The following B4GALNT1 variants were observed in gnomAD, a reference collection of about 807,000 sequenced individuals.
The protein encoded by B4GALNT1 is beta-1,4-N-acetyl-galactosaminyltransferase 1.
In B4GALNT1, 43 loss-of-function variants were observed where a neutral mutation model predicts 55.2. The observed-to-expected ratio is 0.78, with a 90% CI of 0.61 to 1.00. B4GALNT1 has a LOEUF of 1.00. Among genes scored for constraint, B4GALNT1 ranks in the 50% least tolerant of loss-of-function variants. The pLI is 0.00. For missense variants in B4GALNT1, 664 were observed against 729.7 expected (o/e 0.91, Z 1.04); for synonymous variants, 305 against 311.6 (o/e 0.98, Z 0.22).
chr12:57,630,385 C>G (rs1486629021), intron 5 of B4GALNT1, 53 bp from the exon 6 acceptor site: 1 of 1,597,972 alleles, frequency 6.3e-7, no homozygotes, highest in African/African-American at 1.3e-5. Flanking sequence ...CTTCTTGCCT[C>G]CCTGATTCGC....
In B4GALNT1 at chr12:57,633,085, C is replaced by T. The variant is rs1230558609; in HGVS notation, c.-315G>A. 1 of 152,278 alleles carries T rather than the reference C, an allele frequency of 6.6e-6. No individual in the cohort carries two copies. The highest frequency in any genetic ancestry group is 6.5e-5 in the Admixed American group (1 of 15,280). The allele number at this position is 152,278 out of a possible 1,614,324, so 9.4% of individuals were successfully genotyped here. On this transcript the variant is annotated 5_prime_UTR_variant, in exon 1 of 11. Coordinates refer to ENST00000341156, the MANE Select transcript of B4GALNT1 (RefSeq NM_001478.5). ...GGGCAAAGCCGGGGATCCCTGGCTC[C>T]GCGTCCCACTGGCAGCGCGGGGAGG...
rs1183910921 is a variant in B4GALNT1, at chr12:57,632,953, G to C, written c.-183C>G. 1 of 152,378 alleles carries C rather than the reference G, an allele frequency of 6.6e-6. No individual in the cohort carries two copies. The highest frequency in any genetic ancestry group is 2.4e-5 in the African/African-American group (1 of 41,404). The allele number at this position is 152,378 out of a possible 1,614,324, so 9.4% of individuals were successfully genotyped here. A position where few individuals can be genotyped will look rare whatever the true frequency, so the allele number is the denominator to read the frequency against. On this transcript the variant is annotated 5_prime_UTR_variant, in exon 1 of 11. Coordinates refer to ENST00000341156, the MANE Select transcript of B4GALNT1 (RefSeq NM_001478.5). ...CGATCCCTCCCGTCTTGGAACTCCC[G>C]GGGCTTTTGTGGAGCGCGGCGCGGT...
rs140940649 is a variant in B4GALNT1, at chr12:57,629,874, T to G, written c.712+278A>C. 1.7e-4 allele frequency: 257 copies of G among 1,524,444 alleles called. 1 individual carries two copies. In the African/African-American group the frequency reaches 3.0e-3, roughly 18 times the overall value. 94.4% of individuals were successfully genotyped at this position (1,524,444 alleles called of 1,614,324 possible). A position where few individuals can be genotyped will look rare whatever the true frequency, so the allele number is the denominator to read the frequency against. On this transcript the variant is annotated intron_variant, in intron 6 of 10. Transcript: ENST00000341156. ...TGGGTTGGGAATATAGTCTTCTAAC[T>G]CCTTAGACAAGTCTCTTCCTGGGGC...
intron 2 of B4GALNT1, 92 bp from the exon 3 acceptor site, chr12:57,631,456 C>T: frequency 7.0e-7 from 1 of 1,419,972 alleles, no homozygotes; most frequent in South Asian, 1.3e-5. Flanking sequence ...CACCTTGGCC[C>T]TGCAATTCTG....
chr12:57,631,766 G>T, intron 2 of B4GALNT1, 149 bp downstream of exon 2: 1 of 842,500 alleles, frequency 1.2e-6, no homozygotes, highest in Non-Finnish European at 1.7e-6. Context: ...CCCAGCCCAA[G>T]CCTCAGCAGC....
chr12:57,627,722 G>A lies in B4GALNT1; in HGVS notation c.1280C>T (p.Pro427Leu). The change falls in exon 10 of 11, where the codon CCA becomes CTA. Residue 427 changes from proline to leucine, a missense_variant. Coordinates refer to ENST00000341156, the MANE Select transcript of B4GALNT1 (RefSeq NM_001478.5). ...RGFHHELVGF[P>L]GCVVTDGVVN... ...CACGCCGTCGGTGACCACGCAGCCT[G>A]GGAAGCCGACGAGCTCGTGGTGGAA... is the stretch of plus-strand genomic sequence containing the variant. 1 of 1,612,198 alleles carries A rather than the reference G, an allele frequency of 6.2e-7. No homozygotes were observed. Among genetic ancestry groups the A allele is most frequent in the South Asian group, 1.1e-5 (1 of 90,872 alleles).
Position 57,623,646 on chromosome 12 carries a change from T to G in B4GALNT1, c.*3098A>C. 3.5e-6 allele frequency: 2 copies of G among 576,694 alleles called. No homozygotes were observed. The highest frequency in any genetic ancestry group is 5.9e-5 in the East Asian group (2 of 33,628). 35.7% of individuals were successfully genotyped at this position (576,694 alleles called of 1,614,324 possible). On this transcript the variant is annotated 3_prime_UTR_variant, in exon 11 of 11. Transcript: ENST00000341156. The stretch of plus-strand genomic sequence containing the variant: ...CAAGGAGACTGGTGAATAATGGGCA[T>G]TTAATTAATTGGGGGGAGCGGGAGG...
At position 57,626,468 on chromosome 12, in the gene B4GALNT1, C is replaced by T. The variant is rs765634486; in HGVS notation, c.*276G>A. On this transcript the variant is annotated 3_prime_UTR_variant, in exon 11 of 11. Coordinates refer to ENST00000341156, the MANE Select transcript of B4GALNT1 (RefSeq NM_001478.5). ...GGCTCTTTGGCACTTGGAAAGTGAT[C>T]CCCCCATTTCCTGCCCCATGAGAAT... 8 of 492,220 alleles carry T rather than the reference C, an allele frequency of 1.6e-5. No individual in the cohort carries two copies. The highest frequency in any genetic ancestry group is 3.0e-5 in the Non-Finnish European group (8 of 270,482). The allele number at this position is 492,220 out of a possible 1,614,324, so 30.5% of individuals were successfully genotyped here. A position where few individuals can be genotyped will look rare whatever the true frequency, so the allele number is the denominator to read the frequency against.
At position 57,626,714 on chromosome 12, in the gene B4GALNT1, G is replaced by T; in HGVS notation, c.*30C>A. On this transcript the variant is annotated 3_prime_UTR_variant, in exon 11 of 11. Coordinates refer to ENST00000341156, the MANE Select transcript of B4GALNT1 (RefSeq NM_001478.5). Reference sequence around the variant, plus strand: ...TGGCAGGGACAAGGAGGCAGGCCCAGCCTGACAGTCAGAAATCCCCAGCGG... The same window carrying T: ...TGGCAGGGACAAGGAGGCAGGCCCATCCTGACAGTCAGAAATCCCCAGCGG... 4 of 1,612,868 alleles carry T rather than the reference G, an allele frequency of 2.5e-6. No homozygotes were observed. The highest frequency in any genetic ancestry group is 3.4e-6 in the Non-Finnish European group (4 of 1,178,996).
chr12:57,628,429 G>A, intron 8 of B4GALNT1, 167 bp from the exon 9 acceptor site: 1 of 1,059,582 alleles, frequency 9.4e-7, no homozygotes, highest in Non-Finnish European at 1.3e-6. Flanking sequence ...CCCCACAGAG[G>A]TTCCAAGTCA....
Position 57,629,163 on chromosome 12 carries a change from T to C in B4GALNT1, c.713-17A>G. ...AGAACCGGACTGGGAAGAAAGGACATGGCATTTGACCCTGAAGGGTGGGAT... is the reference window on the plus strand; with the variant it reads ...AGAACCGGACTGGGAAGAAAGGACACGGCATTTGACCCTGAAGGGTGGGAT... On this transcript the variant is annotated splice_polypyrimidine_tract_variant and intron_variant, in intron 6 of 10. Transcript: ENST00000341156. 6.4e-7 allele frequency: 1 copy of C among 1,561,370 alleles called. No individual in the cohort carries two copies. The highest frequency in any genetic ancestry group is 8.7e-7 in the Non-Finnish European group (1 of 1,149,180).
At chr12:57,631,127 G>T (rs1885178202) in intron 3 of B4GALNT1, 41 bp from the exon 4 acceptor site, 1 of 1,609,028 alleles carries the variant, frequency 6.2e-7, no homozygotes, top group Non-Finnish European at 8.5e-7. Context: ...GAGTCGGGGG[G>T]AGAGGGTCTC....
At chr12:57,629,663 G>A in intron 6 of B4GALNT1, 1 of 947,650 alleles carries the variant, frequency 1.1e-6, no homozygotes, top group Non-Finnish European at 1.5e-6. Flanking sequence ...GAAGAAGCCA[G>A]TCTGCAAAAA....
chr12:57,631,004 G>C lies in B4GALNT1; in HGVS notation c.466C>G (p.Pro156Ala), dbSNP rs753678717. ...QYPLQGVEVQ[P>A]LRSILVPGLS... ...CCTGGCACCAAGATGCTCCTGAGGG[G>C]CTGAACTTCCACACCCTGTAGGGGG... The change falls in exon 4 of 11, where the codon CCC becomes GCC. Residue 156 changes from proline to alanine, a missense_variant. By Grantham distance (27) the Pro-to-Ala change is conservative (BLOSUM62 -1). Coordinates refer to ENST00000341156, the MANE Select transcript of B4GALNT1 (RefSeq NM_001478.5). 1 of 1,613,062 alleles carries C rather than the reference G, an allele frequency of 6.2e-7. No homozygotes were observed.
In B4GALNT1 at chr12:57,624,983, G is replaced by C; in HGVS notation, c.*1761C>G. The stretch of plus-strand genomic sequence containing the variant: ...CCTGGGGCTCGGAGAAGGAGAAAAG[G>C]TGAAGGAGCTTGGTTTAGGAGGGAT... On this transcript the variant is annotated 3_prime_UTR_variant, in exon 11 of 11. Transcript: ENST00000341156. 6.2e-7 allele frequency: 1 copy of C among 1,614,174 alleles called. No individual in the cohort carries two copies. Among genetic ancestry groups the C allele is most frequent in the African/African-American group, 1.3e-5 (1 of 75,036 alleles).
In B4GALNT1 at chr12:57,623,750, T is replaced by G; in HGVS notation, c.*2994A>C. The G allele has an allele frequency of 1.7e-6, 2 of 1,164,786 alleles. No individual in the cohort carries two copies. Among genetic ancestry groups the G allele is most frequent in the Non-Finnish European group, 2.5e-6 (2 of 807,732 alleles). The allele number at this position is 1,164,786 out of a possible 1,614,324, so 72.2% of individuals were successfully genotyped here. ...GGAGAAGGGAGACTTCCGAGGAAGA[T>G]TAGGCAGAGTGGGCAGGAAGACCAG... On this transcript the variant is annotated 3_prime_UTR_variant, in exon 11 of 11. Transcript: ENST00000341156.
chr12:57,631,318 G>A lies in B4GALNT1; in HGVS notation c.265C>T (p.Leu89Phe), dbSNP rs1885197711. The change falls in exon 3 of 11, where the codon CTC (leucine) becomes TTC (phenylalanine). Residue 89 changes from leucine to phenylalanine, a missense_variant. Leu to Phe is a conservative substitution (Grantham distance 22). Transcript: ENST00000341156. ...ACTTGTTTCTGGAAGGGGAGGGGGAGGCCCCCCCCACTGGACTCACAACTG... is the reference window on the plus strand; with the variant it reads ...ACTTGTTTCTGGAAGGGGAGGGGGAAGCCCCCCCCACTGGACTCACAACTG... ...NCSCESSGGG[L>F]PLPFQKQVRA... 1.9e-6 allele frequency: 3 copies of A among 1,613,850 alleles called. No individual in the cohort carries two copies. The highest frequency in any genetic ancestry group is 2.2e-5 in the South Asian group (2 of 91,076).
Position 57,631,001 on chromosome 12 carries a change from G to C in B4GALNT1, c.469C>G (p.Leu157Val). ...CTACCTGGCACCAAGATGCTCCTGA[G>C]GGGCTGAACTTCCACACCCTGTAGG... Reference protein sequence around the residue: ...YPLQGVEVQPLRSILVPGLSL... With the variant: ...YPLQGVEVQPVRSILVPGLSL... The change falls in exon 4 of 11, where the codon CTC (leucine) becomes GTC (valine). Residue 157 changes from leucine to valine, a missense_variant. Coordinates refer to ENST00000341156, the MANE Select transcript of B4GALNT1 (RefSeq NM_001478.5). 6.2e-7 allele frequency: 1 copy of C among 1,613,174 alleles called. No homozygotes were observed. Among genetic ancestry groups the C allele is most frequent in the Non-Finnish European group, 8.5e-7 (1 of 1,179,874 alleles).
rs760054384 is a variant in B4GALNT1, at chr12:57,624,732, G to A, written c.*2012C>T. 1 of 863,330 alleles carries A rather than the reference G, an allele frequency of 1.2e-6. No homozygotes were observed. Among genetic ancestry groups the A allele is most frequent in the South Asian group, 1.3e-5 (1 of 75,348 alleles). 53.5% of individuals were successfully genotyped at this position (863,330 alleles called of 1,614,324 possible). On this transcript the variant is annotated 3_prime_UTR_variant, in exon 11 of 11. Transcript: ENST00000341156. ...CCCACCTTCTTCCCTAGGGTGTAGT[G>A]CCTGGCACTTGGACAGGCTGAGGGG...
Sources: allele counts gnomAD v4.1 joint callset, GRCh38; gene constraint gnomAD v4.1.1; transcripts MANE v1.5; gene names NCBI Gene and HGNC (gene_info 2026-07-23, HGNC 2026-07-21).